Variants in AHSA1 observed in about 807,000 individuals in gnomAD.
The protein encoded by AHSA1 is activator of HSP90 ATPase activity 1.
In AHSA1, 14 loss-of-function variants were observed where a neutral mutation model predicts 46.1. The ratio of observed to expected loss-of-function variants is 0.30; its 90% CI spans 0.20 to 0.47. AHSA1 has a LOEUF of 0.47. Ranked by LOEUF, AHSA1 falls within the 20% of genes least tolerant of loss-of-function variation. The pLI, the probability that AHSA1 is intolerant of heterozygous loss-of-function variation, is 0.99. For missense variants in AHSA1, 333 were observed against 415.9 expected, an observed-to-expected ratio of 0.80 and a Z score of 1.73; for synonymous variants, 147 against 145.8, an observed-to-expected ratio of 1.01 and a Z score of -0.06.
intron 8 of AHSA1, 194 bp downstream of exon 8, chr14:77,468,702 A>AGTAG (rs2079059121): frequency 7.7e-6 from 4 of 518,042 alleles, no homozygotes; most frequent in Non-Finnish European, 1.3e-5. Flanking sequence ...AGCTGAGACT[A>AGTAG]CGTGTGCCAC....
At chr14:77,466,825 T>A (rs2079049695) in intron 6 of AHSA1, among the ~76,000 whole-genome samples, 1 of 152,252 alleles carries the variant, frequency 6.6e-6, no homozygotes. Context: ...TGGTGCCTGC[T>A]GCCTTGAAGG....
At position 77,458,127 on chromosome 14, in the gene AHSA1, A is replaced by G; in HGVS notation, c.-63A>G. Reference sequence around the variant, plus strand: ...CAGGCGCTGCCGGGCGGCTGGCACTAAGCGGTCCTGAGGCTGTGGCTACGG... The same window carrying G: ...CAGGCGCTGCCGGGCGGCTGGCACTGAGCGGTCCTGAGGCTGTGGCTACGG... On this transcript the variant is annotated 5_prime_UTR_variant, in exon 1 of 9. Coordinates refer to ENST00000216479, the MANE Select transcript of AHSA1 (RefSeq NM_012111.3). 1 of 1,415,830 alleles carries G rather than the reference A, an allele frequency of 7.1e-7. No individual in the cohort carries two copies. Among genetic ancestry groups the G allele is most frequent in the African/African-American group, 1.5e-5 (1 of 66,330 alleles). 87.7% of individuals were successfully genotyped at this position (1,415,830 alleles called of 1,614,324 possible).
chr14:77,459,311 T>G (rs1025220289), intron 1 of AHSA1, among the ~76,000 whole-genome samples: 18 of 152,326 alleles, frequency 1.2e-4, no homozygotes, highest in African/African-American at 4.3e-4. Context: ...GTTTTCCACT[T>G]GGTCAAATGG....
rs752878411 is a variant in AHSA1, at chr14:77,462,683, C to T, written c.396C>T (p.Leu132=). The change falls in exon 4 of 9, where the codon CTC becomes CTT. Residue 132 remains leucine (L), a synonymous_variant. Transcript: ENST00000216479. Reference sequence around the variant, plus strand: ...CCAAAGATGAGCCTGACACAAATCTCGTGGCCTTAATGAAGGAAGAAGGGG... The same window carrying T: ...CCAAAGATGAGCCTGACACAAATCTTGTGGCCTTAATGAAGGAAGAAGGGG... ...SLAKDEPDTN[L]VALMKEEGVK... 19 of 1,614,034 alleles carry T rather than the reference C, an allele frequency of 1.2e-5. No homozygotes were observed. The highest frequency in any genetic ancestry group is 5.0e-5 in the Admixed American group (3 of 59,996).
chr14:77,464,990 A>T (rs2079041894), intron 5 of AHSA1, among the ~76,000 whole-genome samples: 1 of 152,190 alleles, frequency 6.6e-6, no homozygotes, highest in Non-Finnish European at 1.5e-5. Context: ...CACCTATATA[A>T]GTCTTCAGTC....
Position 77,460,478 on chromosome 14 carries a change from C to A in AHSA1, c.271+672C>A, listed in dbSNP as rs142555287. ...ATCATAAAGAAGGGTGCAAGTAGAT[C>A]TATCTGTCCATGATTTTTGTTAATT... On this transcript the variant is annotated intron_variant, in intron 2 of 8. Coordinates refer to ENST00000216479, the MANE Select transcript of AHSA1 (RefSeq NM_012111.3). 2.1e-3 allele frequency among the ~76,000 whole-genome samples: 196 copies of A among 92,528 alleles called. 8 individuals are homozygous for A. Among genetic ancestry groups the A allele is most frequent in the African/African-American group, 8.1e-3 (186 of 23,104 alleles). 60.7% of individuals were successfully genotyped at this position (92,528 alleles called of 152,430 possible).
rs1376238009 is a variant in AHSA1 at position 77,462,770 on chromosome 14, A to T, written c.472+11A>T. On this transcript the variant is annotated intron_variant, in intron 4 of 8. Transcript: ENST00000216479. ...GCACCCTCAAAACAGGTATCCCTTG[A>T]GTAGTTCTGTATGCCTTAAGGAGGT... The T allele has an allele frequency of 6.2e-7, 1 of 1,609,948 alleles. No individual in the cohort carries two copies. Among genetic ancestry groups the T allele is most frequent in the South Asian group, 1.1e-5 (1 of 90,984 alleles).
chr14:77,468,221 T>C, intron 7 of AHSA1, 37 bp downstream of exon 7: 1 of 1,374,030 alleles, frequency 7.3e-7, no homozygotes, highest in Non-Finnish European at 1.0e-6. Context: ...GGTTATTGCC[T>C]CTGGTCAGAT....
chr14:77,469,000 G>A (rs756432488), intron 8 of AHSA1, 77 bp from the exon 9 acceptor site: 302 of 1,548,144 alleles, frequency 2.0e-4, no homozygotes, highest in Non-Finnish European at 2.4e-4. Context: ...GAGCCACCAC[G>A]CCCAGCCAGG....
rs1180185233 is a variant in AHSA1, at chr14:77,468,442, G to C, written c.793-15G>C. ...TGTAGTATATAATATAGACTGAGCT[G>C]TTTGATTATTTTAGGTCCCTGAGAA... On this transcript the variant is annotated splice_polypyrimidine_tract_variant and intron_variant, in intron 7 of 8. Transcript: ENST00000216479. 1 of 1,610,434 alleles carries C rather than the reference G, an allele frequency of 6.2e-7. No individual in the cohort carries two copies. Among genetic ancestry groups the C allele is most frequent in the East Asian group, 2.2e-5 (1 of 44,850 alleles).
chr14:77,468,494 A>C lies in AHSA1; in HGVS notation c.830A>C (p.Lys277Thr). 1.2e-6 allele frequency: 2 copies of C among 1,613,216 alleles called. No homozygotes were observed. The highest frequency in any genetic ancestry group is 1.7e-6 in the Non-Finnish European group (2 of 1,179,508). ...EKHIVMKWRF[K>T]SWPEGHFATI... ...CATATTGTGATGAAGTGGAGGTTTA[A>C]ATCTTGGCCAGAGGGTAAGTAAACA... Residue 277 changes from lysine (K) to threonine (T), a missense_variant, in exon 8 of 9, where the codon AAA (lysine) becomes ACA (threonine). Transcript: ENST00000216479.
intron 4 of AHSA1, among the ~76,000 whole-genome samples, chr14:77,463,354 C>G (rs989096147): frequency 6.6e-6 from 1 of 151,778 alleles, no homozygotes; most frequent in African/African-American, 2.4e-5. Flanking sequence ...TTTGGGAAGC[C>G]GAGGTGGGCG....
In AHSA1 at chr14:77,459,726, T is replaced by C; in HGVS notation, c.191T>C (p.Leu64Pro). 6.2e-7 allele frequency: 1 copy of C among 1,614,190 alleles called. No homozygotes were observed. The highest frequency in any genetic ancestry group is 8.5e-7 in the Non-Finnish European group (1 of 1,180,032). The change falls in exon 2 of 9, where the codon CTT becomes CCT. Residue 64 changes from leucine to proline, a missense_variant. Coordinates refer to ENST00000216479, the MANE Select transcript of AHSA1 (RefSeq NM_012111.3). Reference protein sequence around the residue: ...GKCEVTEVSKLDGEASINNRK... With the variant: ...GKCEVTEVSKPDGEASINNRK... ...TGTGAGGTGACGGAAGTGAGTAAGC[T>C]TGATGGAGAGGCATCCATTAACAAT...
chr14:77,467,132 C>T (rs1334887647), intron 6 of AHSA1, among the ~76,000 whole-genome samples: 1 of 152,174 alleles, frequency 6.6e-6, no homozygotes, highest in East Asian at 1.9e-4. Context: ...GGCACAGTGG[C>T]TTACATCTCT....
At chr14:77,462,536 C>A in intron 3 of AHSA1, 106 bp from the exon 4 acceptor site, 1 of 1,028,426 alleles carries the variant, frequency 9.7e-7, no homozygotes, top group Non-Finnish European at 1.5e-6. Context: ...AGTACTCATG[C>A]ATTTCCTTTG....
At chr14:77,464,962 T>C (rs2079041797) in intron 5 of AHSA1, among the ~76,000 whole-genome samples, 1 of 152,224 alleles carries the variant, frequency 6.6e-6, no homozygotes, top group Non-Finnish European at 1.5e-5. Flanking sequence ...TAGGAGGTTA[T>C]GAACAAAGGA....
At position 77,469,080 on chromosome 14, in the gene AHSA1, A is replaced by T. The variant is rs1435436840; in HGVS notation, c.848A>T (p.His283Leu). 2 of 1,614,044 alleles carry T rather than the reference A, an allele frequency of 1.2e-6. No individual in the cohort carries two copies. The highest frequency in any genetic ancestry group is 2.7e-5 in the African/African-American group (2 of 75,024). ...KWRFKSWPEG[H>L]FATITLTFID... The stretch of plus-strand genomic sequence containing the variant: ...CCGTCCCCTCTGCCTTTCCCAGGAC[A>T]CTTTGCCACCATCACCTTGACCTTC... The change falls in exon 9 of 9, where the codon CAC becomes CTC. Residue 283 changes from histidine to leucine, a missense_variant. Physicochemically the swap from His to Leu is moderately conservative, Grantham distance 99 (BLOSUM62 -3). Transcript: ENST00000216479.
chr14:77,462,303 A>C (rs2079029182), intron 3 of AHSA1, 61 bp downstream of exon 3: 1 of 1,489,656 alleles, frequency 6.7e-7, no homozygotes, highest in Non-Finnish European at 9.3e-7. Flanking sequence ...AGATGAGAAA[A>C]GTGACCTGTC....
At position 77,462,186 on chromosome 14, in the gene AHSA1, A is replaced by G; in HGVS notation, c.298A>G (p.Lys100Glu). ...TACTTCTAAGTCAGGAGTACAATACAAAGGACATGTGGAGATCCCCAATTT... is the reference window on the plus strand; with the variant it reads ...TACTTCTAAGTCAGGAGTACAATACGAAGGACATGTGGAGATCCCCAATTT... Reference protein sequence around the residue: ...TGTSKSGVQYKGHVEIPNLSD... With the variant: ...TGTSKSGVQYEGHVEIPNLSD... The change falls in exon 3 of 9, where the codon AAA (lysine) becomes GAA (glutamate). Residue 100 changes from lysine (K) to glutamate (E), a missense_variant. By Grantham distance (56) the Lys-to-Glu change is moderately conservative (BLOSUM62 1). Transcript: ENST00000216479. 1.2e-6 allele frequency: 2 copies of G among 1,613,534 alleles called. No individual in the cohort carries two copies. The highest frequency in any genetic ancestry group is 2.2e-5 in the East Asian group (1 of 44,882).
Sources: allele counts gnomAD v4.1 joint callset (sites outside exome capture counted in the v4.1 genomes callset), GRCh38; gene constraint gnomAD v4.1.1; transcripts MANE v1.5; gene names NCBI Gene and HGNC (gene_info 2026-07-23, HGNC 2026-07-21).